The following ANK3 variants were observed in gnomAD, a reference collection of about 807,000 sequenced individuals.
The protein encoded by ANK3 is ankyrin-3.
ANK3 carries 57 observed loss-of-function variants against 370.9 expected under a neutral mutation model. That is an observed-to-expected ratio of 0.15 (90% CI 0.12 to 0.19). The LOEUF is 0.19. Among genes scored for constraint, ANK3 ranks in the 10% least tolerant of loss-of-function variants. ANK3 has a pLI of 1.00. For synonymous variants in ANK3, 1,929 were observed against 1,946.3 expected, an observed-to-expected ratio of 0.99 and a Z score of 0.23; for missense variants, 4,439 against 5,302.1, an observed-to-expected ratio of 0.84 and a Z score of 5.06.
intron 2 of ANK3, among the ~76,000 whole-genome samples, chr10:60,519,932 G>A (rs1296727842): frequency 6.6e-6 from 1 of 152,074 alleles, no homozygotes; most frequent in East Asian, 1.9e-4. Context: ...TGAAATTTTT[G>A]TCATGAAGTG....
At chr10:60,543,562 A>G (rs772097852) in intron 2 of ANK3, among the ~76,000 whole-genome samples, 13 of 152,046 alleles carry the variant, frequency 8.6e-5, no homozygotes, top group Non-Finnish European at 1.6e-4. Context: ...GCATTTTTGT[A>G]TACACAGGCT....
Position 60,055,755 on chromosome 10 carries a change from G to A in ANK3, c.12968C>T (p.Pro4323Leu), listed in dbSNP as rs371742062. 3 of 1,614,154 alleles carry A rather than the reference G, an allele frequency of 1.9e-6. No individual in the cohort carries two copies. The highest frequency in any genetic ancestry group is 2.5e-6 in the Non-Finnish European group (3 of 1,180,028). Residue 4323 changes from proline (P) to leucine (L), a missense_variant, in exon 42 of 44, where the codon CCT becomes CTT. This residue lies in a region of ANK3 where 242 missense variants were observed against 228.0 expected (regional missense o/e 1.06). Transcript: ENST00000280772. ...CCTACTCATCTTTTTCATACTGACA[G>A]GCACACAGGGTTTAGTCTCTTCTAT... is the stretch of plus-strand genomic sequence containing the variant. ...LIIEETKPCV[P>L]VSMKKMSRTS...
At chr10:60,243,984 A>G (rs765882752) in intron 7 of ANK3, among the ~76,000 whole-genome samples, 5 of 152,228 alleles carry the variant, frequency 3.3e-5, no homozygotes, top group Non-Finnish European at 7.3e-5. Flanking sequence ...TATGTGGTAT[A>G]TAACATGATC....
chr10:60,199,091 A>T (rs1042969032), intron 13 of ANK3, among the ~76,000 whole-genome samples: 5 of 152,116 alleles, frequency 3.3e-5, no homozygotes, highest in African/African-American at 1.2e-4. Context: ...CAAGGGCTGC[A>T]TCTGTCTAAA....
chr10:60,320,037 C>T (rs1375493586), intron 1 of ANK3, among the ~76,000 whole-genome samples: 1 of 152,140 alleles, frequency 6.6e-6, no homozygotes, highest in African/African-American at 2.4e-5. Flanking sequence ...GCTGTCCTTC[C>T]TTGAATGCCT....
intron 2 of ANK3, among the ~76,000 whole-genome samples, chr10:60,416,614 A>G (rs1451538156): frequency 6.6e-6 from 1 of 152,228 alleles, no homozygotes; most frequent in Non-Finnish European, 1.5e-5. Flanking sequence ...AAAGTTCTAC[A>G]TCTAAGCTGT....
chr10:60,080,213 A>G (rs2241538), intron 36 of ANK3, among the ~76,000 whole-genome samples: 46,085 of 152,060 alleles, frequency 0.3, 7,533 homozygotes, highest in East Asian at 0.71. Context: ...TCATCTGAGC[A>G]TAGATCTAAA....
rs768776250 is a variant in ANK3, at chr10:60,042,739, C to T, written c.13086G>A (p.Val4362=). The T allele has an allele frequency of 4.3e-5, 69 of 1,613,506 alleles. No individual in the cohort carries two copies. The highest frequency in any genetic ancestry group is 5.6e-5 in the Non-Finnish European group (66 of 1,179,980). Residue 4362 remains valine, a synonymous_variant, in exon 43 of 44, where the codon GTG becomes GTA. Transcript: ENST00000280772. ...SEQKQGEGFK[V]KTKKEIRHVE... The stretch of plus-strand genomic sequence containing the variant: ...CATGCCGGATTTCTTTCTTCGTTTT[C>T]ACCTTAAAACCTTCTCCCTGCTTTG...
At position 60,032,194 on chromosome 10, in the gene ANK3, C is replaced by CTTTTTTTTTTTTTTTTTTTTTTTTTTTTT. The variant is rs552219776; in HGVS notation, c.*20-2369_*20-2368insAAAAAAAAAAAAAAAAAAAAAAAAAAAAA. ...TTCAGCTATTATAAATACACAGCTT[C>CTTTTTTTTTTTTTTTTTTTTTTTTTTTTT]TTTTTTTTTTTTTTTTTTTTTTTTT... On this transcript the variant is annotated intron_variant, in intron 43 of 43. Coordinates refer to ENST00000280772, the MANE Select transcript of ANK3 (RefSeq NM_020987.5). Among the ~76,000 whole-genome samples, 8 of 43,112 alleles carry CTTTTTTTTTTTTTTTTTTTTTTTTTTTTT rather than the reference C, an allele frequency of 1.9e-4. 1 individual carries two copies. Among genetic ancestry groups the CTTTTTTTTTTTTTTTTTTTTTTTTTTTTT allele is most frequent in the African/African-American group, 2.5e-4 (3 of 12,140 alleles). 28.3% of individuals were successfully genotyped at this position (43,112 alleles called of 152,430 possible).
intron 1 of ANK3, among the ~76,000 whole-genome samples, chr10:60,677,744 C>A (rs75657648): frequency 2.1e-3 from 314 of 150,830 alleles, no homozygotes; most frequent in Non-Finnish European, 3.6e-3. Flanking sequence ...CACAACCTCA[C>A]CTCGAGACTG....
chr10:60,226,524 TATAGTATATATAC>T (rs1318330844), intron 8 of ANK3, among the ~76,000 whole-genome samples: 2 of 56,972 alleles, frequency 3.5e-5, no homozygotes, highest in African/African-American at 2.7e-4. Context: ...GTATATATAC[TATAGTATATATAC>T]ATAGTATATA....
In ANK3 at chr10:60,444,765, TAC is replaced by T. The variant is rs199653997; in HGVS notation, c.97-165128_97-165127del. Reference sequence around the variant, plus strand: ...TTTCTTTAGTATGCTTAATTTAATGTACAGTTTTGAATTGTGAATACATGGTA... The same window carrying T: ...TTTCTTTAGTATGCTTAATTTAATGTAGTTTTGAATTGTGAATACATGGTA... On this transcript the variant is annotated intron_variant, in intron 2 of 43. Transcript: ENST00000373827. Among the ~76,000 whole-genome samples the T allele has an allele frequency of 3.9e-3, 591 of 152,306 alleles. 2 individuals carry two copies. The highest frequency in any genetic ancestry group is 0.014 in the African/African-American group (571 of 41,554).
chr10:60,725,931 T>C (rs1262191948), intron 1 of ANK3, among the ~76,000 whole-genome samples: 1 of 152,184 alleles, frequency 6.6e-6, no homozygotes, highest in Non-Finnish European at 1.5e-5. Flanking sequence ...ATTTATTTCA[T>C]CAAATATTTT....
At chr10:60,697,252 G>A (rs1279303296) in intron 1 of ANK3, among the ~76,000 whole-genome samples, 2 of 150,592 alleles carry the variant, frequency 1.3e-5, no homozygotes, top group South Asian at 4.2e-4. Context: ...GGAAATAAAA[G>A]AGGATACAAA....
intron 43 of ANK3, among the ~76,000 whole-genome samples, chr10:60,031,002 T>C (rs990930393): frequency 7.2e-5 from 11 of 152,142 alleles, no homozygotes; most frequent in Non-Finnish European, 4.4e-5. Flanking sequence ...GAGACTTCCC[T>C]AAATATCAAA....
chr10:60,455,797 G>A (rs559718189), intron 2 of ANK3, among the ~76,000 whole-genome samples: 6 of 152,074 alleles, frequency 3.9e-5, no homozygotes, highest in East Asian at 1.9e-4. Flanking sequence ...ACTCAGTCTC[G>A]GCTATTCGTC....
chr10:60,342,914 G>A (rs962757445), intron 1 of ANK3, among the ~76,000 whole-genome samples: 6 of 152,138 alleles, frequency 3.9e-5, no homozygotes, highest in Admixed American at 3.3e-4. Flanking sequence ...AGAAACTAAA[G>A]GCTTTGATGA....
intron 16 of ANK3, among the ~76,000 whole-genome samples, chr10:60,187,301 G>A (rs1292844651): frequency 2.0e-5 from 3 of 151,726 alleles, no homozygotes; most frequent in Non-Finnish European, 4.4e-5. Flanking sequence ...GACTACAGGC[G>A]CCTGCCACCA....
intron 1 of ANK3, among the ~76,000 whole-genome samples, chr10:60,338,193 C>G (rs1051669768): frequency 1.3e-5 from 2 of 152,162 alleles, no homozygotes; most frequent in African/African-American, 2.4e-5. Context: ...AAAGTACAAA[C>G]AGTTAACTAG....
Sources: gnomAD v4.1 joint callset for allele counts (sites outside exome capture counted in the v4.1 genomes callset) on GRCh38, gnomAD v4.1.1 for gene constraint, gnomAD v4.1.1 regional missense constraint, MANE v1.5 for transcripts, NCBI Gene and HGNC (gene_info 2026-07-23, HGNC 2026-07-21) for gene names.